Variants in TMEM182 observed in about 807,000 individuals in gnomAD.
The protein encoded by TMEM182 is transmembrane protein 182.
A neutral mutation model predicts 26.8 loss-of-function variants in TMEM182; 20 were observed. That is an observed-to-expected ratio of 0.75 (90% CI 0.53 to 1.09). TMEM182 has a LOEUF of 1.09. TMEM182 is among the 50% of genes least tolerant of loss of function. The probability of loss-of-function intolerance (pLI) is 0.00; values close to 1 mark genes in which losing one functional copy is unlikely to be tolerated. For synonymous variants in TMEM182, 109 were observed against 102.2 expected (o/e 1.07, Z -0.40); for missense variants, 277 against 275.5 (o/e 1.01, Z -0.04).
intron 1 of TMEM182, among the ~76,000 whole-genome samples, chr2:102,756,844 C>A (rs1022857153): frequency 2.0e-5 from 3 of 151,584 alleles, no homozygotes; most frequent in Admixed American, 2.0e-4. Flanking sequence ...GAGGGAGTCT[C>A]ACTGTGTAGC....
chr2:102,774,347 C>G (rs1253945071), intron 3 of TMEM182, among the ~76,000 whole-genome samples: 1 of 150,218 alleles, frequency 6.7e-6, no homozygotes, highest in Non-Finnish European at 1.5e-5. Flanking sequence ...CCTCTGCCTC[C>G]TGGGTTCAAG....
Position 102,816,901 on chromosome 2 carries a change from T to A in TMEM182, c.*1933T>A. 1 of 985,748 alleles carries A rather than the reference T, an allele frequency of 1.0e-6. No homozygotes were observed. Among genetic ancestry groups the A allele is most frequent in the Non-Finnish European group, 1.2e-6 (1 of 829,824 alleles). The allele number at this position is 985,748 out of a possible 1,614,324, so 61.1% of individuals were successfully genotyped here. A position where few individuals can be genotyped will look rare whatever the true frequency, so the allele number is the denominator to read the frequency against. On this transcript the variant is annotated 3_prime_UTR_variant, in exon 5 of 5. Coordinates refer to ENST00000412401, the MANE Select transcript of TMEM182 (RefSeq NM_144632.5). ...GCTGCTTTCGGCAAAGGCTTGAATA[T>A]TTATAAATTTCAGATGGTTATCCTC...
At chr2:102,784,804 T>G (rs980733737) in intron 3 of TMEM182, among the ~76,000 whole-genome samples, 5 of 152,170 alleles carry the variant, frequency 3.3e-5, no homozygotes, top group Non-Finnish European at 7.4e-5. Context: ...ATGGTGCTGG[T>G]GGGAGTGTAG....
chr2:102,750,611 A>G (rs1341352884), intron 1 of TMEM182, among the ~76,000 whole-genome samples: 1 of 152,168 alleles, frequency 6.6e-6, no homozygotes, highest in Non-Finnish European at 1.5e-5. Flanking sequence ...TAAGAACTTG[A>G]ACACATTTGG....
chr2:102,765,823 G>T (rs750593164), intron 3 of TMEM182, among the ~76,000 whole-genome samples: 1 of 152,176 alleles, frequency 6.6e-6, no homozygotes, highest in African/African-American at 2.4e-5. Flanking sequence ...AACATGTGTG[G>T]TATGGATGCT....
downstream of TMEM182, among the ~76,000 whole-genome samples, chr2:102,820,152 T>G (rs1682890635): frequency 1.3e-5 from 2 of 152,208 alleles, no homozygotes; most frequent in South Asian, 4.1e-4. Flanking sequence ...TTGGGTCCCC[T>G]GAAGGGAGGT....
chr2:102,817,683 T>C (rs943342363), downstream of TMEM182: 3 of 983,896 alleles, frequency 3.0e-6, no homozygotes, highest in African/African-American at 5.2e-5. Context: ...GGAGGAAGTG[T>C]CAGTGTTGGT....
In TMEM182 at chr2:102,756,969, C is replaced by T. The variant is rs139334523; in HGVS notation, c.-82-1420C>T. Among the ~76,000 whole-genome samples, 1,296 of 152,164 alleles carry T rather than the reference C, an allele frequency of 8.5e-3. 15 individuals are homozygous for T. The highest frequency in any genetic ancestry group is 0.027 in the African/African-American group (1,130 of 41,540). ...GTGGGATTACAGGCACCTGCTACCACGCCTGCTAATTTTTGTATTTTTAGT... is the reference window on the plus strand; with the variant it reads ...GTGGGATTACAGGCACCTGCTACCATGCCTGCTAATTTTTGTATTTTTAGT... On this transcript the variant is annotated intron_variant, in intron 1 of 5. Transcript: ENST00000409173.
At chr2:102,766,391 T>C (rs1680432768) in intron 3 of TMEM182, among the ~76,000 whole-genome samples, 1 of 152,202 alleles carries the variant, frequency 6.6e-6, no homozygotes, top group Non-Finnish European at 1.5e-5. Flanking sequence ...TTTTAAATTA[T>C]CAAATTCCTC....
rs1015339501 is a variant in TMEM182, at chr2:102,814,941, T to C, written c.663T>C (p.Val221=). 5 of 1,613,924 alleles carry C rather than the reference T, an allele frequency of 3.1e-6. No individual in the cohort carries two copies. In the African/African-American group the frequency reaches 4.0e-5, roughly 13 times the overall value. ...TAGCTGGATTACTATTTCTGGTTGT[T>C]GGATGGCATATTCAGATACATCACT... ...SLLAGLLFLV[V]GWHIQIHH is the part of the protein sequence containing the mutation. The change falls in exon 5 of 5, where the codon GTT becomes GTC. Residue 221 remains valine (V), a synonymous_variant. Coordinates refer to ENST00000412401, the MANE Select transcript of TMEM182 (RefSeq NM_144632.5).
At chr2:102,831,939 G>A (rs1055679100) in intron 3 of TMEM182, among the ~76,000 whole-genome samples, 1 of 152,146 alleles carries the variant, frequency 6.6e-6, no homozygotes, top group Non-Finnish European at 1.5e-5. Flanking sequence ...CTTTTCATAG[G>A]ACAAGGCTTA....
chr2:102,819,789 A>C (rs1321664620), downstream of TMEM182, among the ~76,000 whole-genome samples: 1 of 152,326 alleles, frequency 6.6e-6, no homozygotes, highest in East Asian at 1.9e-4. Context: ...GCTGGAAAGG[A>C]GGGCATATTT....
chr2:102,814,724 A>G, intron 4 of TMEM182, 24 bp from the exon 5 acceptor site: 1 of 1,597,472 alleles, frequency 6.3e-7, no homozygotes. Context: ...AAAGGCTAAC[A>G]GTCTTCTGTT....
chr2:102,839,253 T>C (rs1216194403), intron 3 of TMEM182, among the ~76,000 whole-genome samples: 1 of 152,090 alleles, frequency 6.6e-6, no homozygotes, highest in Non-Finnish European at 1.5e-5. Flanking sequence ...AAGTGGCTAC[T>C]TGGACTTCCT....
chr2:102,739,936 G>C (rs561208127), intron 1 of TMEM182, among the ~76,000 whole-genome samples: 72 of 152,168 alleles, frequency 4.7e-4, no homozygotes, highest in African/African-American at 1.7e-3. Flanking sequence ...TCTTCTGCTG[G>C]CATTCATGAA....
intron 3 of TMEM182, among the ~76,000 whole-genome samples, chr2:102,771,392 C>T (rs1298316814): frequency 1.3e-5 from 2 of 152,132 alleles, no homozygotes; most frequent in Non-Finnish European, 2.9e-5. Context: ...CTTGGGGCCA[C>T]TCCCAGAGTG....
chr2:102,795,709 G>T (rs1399574371), intron 3 of TMEM182, among the ~76,000 whole-genome samples: 1 of 152,058 alleles, frequency 6.6e-6, no homozygotes, highest in Non-Finnish European at 1.5e-5. Context: ...AGGTTCAAAC[G>T]TGGAATTTTA....
chr2:102,834,089 A>C (rs1173907858), intron 3 of TMEM182, among the ~76,000 whole-genome samples: 1 of 152,204 alleles, frequency 6.6e-6, no homozygotes. Flanking sequence ...TATCTTGAGC[A>C]AGGATTCAGT....
intron 1 of TMEM182, among the ~76,000 whole-genome samples, chr2:102,748,211 A>T (rs1384107722): frequency 6.6e-6 from 1 of 152,236 alleles, no homozygotes; most frequent in Non-Finnish European, 1.5e-5. Context: ...AATGCCAAGG[A>T]AAATGGGAAA....
Sources: allele counts gnomAD v4.1 joint callset (sites outside exome capture counted in the v4.1 genomes callset), GRCh38; gene constraint gnomAD v4.1.1; transcripts MANE v1.5; gene names NCBI Gene and HGNC (gene_info 2026-07-23, HGNC 2026-07-21).